VAX2: variants seen among roughly 807,000 people sequenced by gnomAD.
VAX2 encodes the protein ventral anterior homeobox 2.
A neutral mutation model predicts 12.5 loss-of-function variants in VAX2; 8 were observed. That is an observed-to-expected ratio of 0.64 (90% CI 0.37 to 1.15). VAX2 has a LOEUF of 1.15. Ranked by LOEUF, VAX2 falls within the 50% of genes most tolerant of loss-of-function variation. VAX2 has a pLI of 0.01. For synonymous variants in VAX2, 183 were observed against 187.6 expected, an observed-to-expected ratio of 0.98 and a Z score of 0.20; for missense variants, 476 against 412.9, an observed-to-expected ratio of 1.15 and a Z score of -1.32.
rs549196315 is a variant in VAX2, at chr2:70,921,240, C to T, written c.390C>T (p.Arg130=). 122 of 1,613,174 alleles carry T rather than the reference C, an allele frequency of 7.6e-5. No individual in the cohort carries two copies. The highest frequency in any genetic ancestry group is 3.7e-4 in the Admixed American group (22 of 59,950). The change falls in exon 2 of 3, where the codon CGC becomes CGT. Residue 130 remains arginine (R), a synonymous_variant. Coordinates refer to ENST00000234392, the MANE Select transcript of VAX2 (RefSeq NM_012476.3). ...EFQRCQYVVG[R]ERTELARQLN... is the part of the protein sequence containing the mutation. ...AGCGCTGCCAGTATGTGGTGGGCCG[C>T]GAGCGCACTGAGCTGGCCCGCCAGC... is the stretch of plus-strand genomic sequence containing the variant.
At chr2:70,903,888 C>T (rs1206261068) in intron 1 of VAX2, among the ~76,000 whole-genome samples, 2 of 152,212 alleles carry the variant, frequency 1.3e-5, no homozygotes, top group Admixed American at 1.3e-4. Flanking sequence ...CACCATCTTG[C>T]AGACCACACA....
intron 1 of VAX2, among the ~76,000 whole-genome samples, chr2:70,906,834 T>G (rs1572887097): frequency 1.3e-5 from 2 of 152,128 alleles, no homozygotes; most frequent in Admixed American, 6.5e-5. Context: ...AACAGCTGGG[T>G]AGAGACTTCC....
intron 2 of VAX2, among the ~76,000 whole-genome samples, chr2:70,922,877 A>C (rs1679489834): frequency 6.6e-6 from 1 of 152,096 alleles, no homozygotes; most frequent in Non-Finnish European, 1.5e-5. Context: ...ACTCCTGGGG[A>C]AGTCACTGAG....
At chr2:70,911,079 C>T (rs1383034995) in intron 1 of VAX2, among the ~76,000 whole-genome samples, 3 of 152,100 alleles carry the variant, frequency 2.0e-5, no homozygotes, top group Non-Finnish European at 4.4e-5. Context: ...TGAATCTTTC[C>T]TCCCTGATCG....
chr2:70,918,711 A>G (rs1204227614), intron 1 of VAX2, among the ~76,000 whole-genome samples: 17 of 152,044 alleles, frequency 1.1e-4, no homozygotes, highest in African/African-American at 4.1e-4. Flanking sequence ...CCTGGCTAAC[A>G]TGGTGAAACC....
chr2:70,922,099 C>T (rs1286852386), intron 2 of VAX2, among the ~76,000 whole-genome samples: 1 of 152,204 alleles, frequency 6.6e-6, no homozygotes, highest in Non-Finnish European at 1.5e-5. Context: ...CGGAGCTGGG[C>T]TTTGGACAAG....
intron 2 of VAX2, among the ~76,000 whole-genome samples, chr2:70,924,685 A>T (rs1558661183): frequency 6.6e-6 from 1 of 152,182 alleles, no homozygotes; most frequent in East Asian, 1.9e-4. Context: ...TTGTAGCTAG[A>T]ATTCTGTGGC....
chr2:70,924,901 GGA>G (rs1553413330), intron 2 of VAX2, among the ~76,000 whole-genome samples: 1 of 152,124 alleles, frequency 6.6e-6, no homozygotes, highest in Non-Finnish European at 1.5e-5. Flanking sequence ...TGGGGTCATA[GGA>G]GAGAGACTAA....
chr2:70,913,983 C>G (rs1212254210), intron 1 of VAX2, among the ~76,000 whole-genome samples: 1 of 152,158 alleles, frequency 6.6e-6, no homozygotes, highest in Non-Finnish European at 1.5e-5. Context: ...TCAATTATTA[C>G]ATGGTATTTT....
chr2:70,931,595 G>A (rs1679695469), intron 2 of VAX2, among the ~76,000 whole-genome samples: 1 of 152,170 alleles, frequency 6.6e-6, no homozygotes, highest in Non-Finnish European at 1.5e-5. Context: ...AAAGCCAAGG[G>A]GTCTCGCCTG....
rs1463324297 is a variant in VAX2, at chr2:70,900,591, C to G, written c.-31C>G. 1 of 1,238,948 alleles carries G rather than the reference C, an allele frequency of 8.1e-7. No individual in the cohort carries two copies. Among genetic ancestry groups the G allele is most frequent in the African/African-American group, 1.6e-5 (1 of 64,324 alleles). The allele number at this position is 1,238,948 out of a possible 1,614,324, so 76.7% of individuals were successfully genotyped here. A position where few individuals can be genotyped will look rare whatever the true frequency, so the allele number is the denominator to read the frequency against. On this transcript the variant is annotated 5_prime_UTR_variant, in exon 1 of 3. Coordinates refer to ENST00000234392, the MANE Select transcript of VAX2 (RefSeq NM_012476.3). ...GCTCCCGGCCAGCGTAGGCTGGCTC[C>G]GCCGTAGAGGGGTTGGCAGTGGCGG...
rs782261529 is a variant in VAX2, at chr2:70,904,283, G to A, written c.247+3415G>A. Among the ~76,000 whole-genome samples the A allele has an allele frequency of 6.6e-6, 1 of 152,220 alleles. No homozygotes were observed. Among genetic ancestry groups the A allele is most frequent in the Admixed American group, 6.5e-5 (1 of 15,286 alleles). Reference sequence around the variant, plus strand: ...AAAGGAACAACAGGCCGCCTGAGCCGTGGCTCAAACAGCACAGGGCAGTGG... The same window carrying A: ...AAAGGAACAACAGGCCGCCTGAGCCATGGCTCAAACAGCACAGGGCAGTGG... On this transcript the variant is annotated intron_variant, in intron 1 of 2. Coordinates refer to ENST00000234392, the MANE Select transcript of VAX2 (RefSeq NM_012476.3). This position sits in a 1 kb window ranked among gnomAD's most constrained non-coding sequence, Gnocchi z 4.2.
intron 1 of VAX2, among the ~76,000 whole-genome samples, chr2:70,907,595 C>T (rs1344595212): frequency 6.6e-6 from 1 of 152,278 alleles, no homozygotes; most frequent in Non-Finnish European, 1.5e-5. Context: ...TGGCAGCCCA[C>T]CGCGTCCACC....
At chr2:70,924,594 G>C (rs1203317540) in intron 2 of VAX2, among the ~76,000 whole-genome samples, 4 of 151,950 alleles carry the variant, frequency 2.6e-5, no homozygotes, top group African/African-American at 9.7e-5. Flanking sequence ...TGCATTCATG[G>C]GTAATAGTAC....
At chr2:70,929,709 A>G (rs1679653628) in intron 2 of VAX2, among the ~76,000 whole-genome samples, 1 of 151,462 alleles carries the variant, frequency 6.6e-6, no homozygotes, top group Non-Finnish European at 1.5e-5. Context: ...CAATGTATAT[A>G]GCAATCTTTC....
intron 1 of VAX2, among the ~76,000 whole-genome samples, chr2:70,908,455 A>G (rs1204973761): frequency 6.6e-6 from 1 of 152,128 alleles, no homozygotes; most frequent in Non-Finnish European, 1.5e-5. Context: ...TTCTTCCAAT[A>G]TATCTTGGGG....
intron 2 of VAX2, among the ~76,000 whole-genome samples, chr2:70,925,996 C>T (rs1470659026): frequency 1.3e-5 from 2 of 152,006 alleles, no homozygotes; most frequent in Non-Finnish European, 2.9e-5. Context: ...ACTCAGAGGA[C>T]CCAGGCATGG....
chr2:70,906,732 C>T (rs1679071509), intron 1 of VAX2, among the ~76,000 whole-genome samples: 1 of 152,072 alleles, frequency 6.6e-6, no homozygotes, highest in African/African-American at 2.4e-5. Context: ...TGCGTACTCA[C>T]TGTGTGCCAG....
In VAX2 at chr2:70,904,408, C is replaced by T. The variant is rs149057973; in HGVS notation, c.247+3540C>T. Among the ~76,000 whole-genome samples, 1,003 of 152,322 alleles carry T rather than the reference C, an allele frequency of 6.6e-3. 5 individuals carry two copies. The highest frequency in any genetic ancestry group is 0.024 in the Middle Eastern group (7 of 294). ...CTACAACCCCGCGATCGATGCTCCA[C>T]CTGCACGCTCAAACGCACCTGTTTC... On this transcript the variant is annotated intron_variant, in intron 1 of 2. Coordinates refer to ENST00000234392, the MANE Select transcript of VAX2 (RefSeq NM_012476.3). The surrounding 1 kb of genome is among the most constrained non-coding windows in gnomAD (Gnocchi z 4.2).
Sources: allele counts gnomAD v4.1 joint callset (sites outside exome capture counted in the v4.1 genomes callset), GRCh38; gene constraint gnomAD v4.1.1; non-coding constraint Gnocchi (gnomAD v3.1); transcripts MANE v1.5; gene names NCBI Gene and HGNC (gene_info 2026-07-23, HGNC 2026-07-21).